TAS2R1: variants seen among roughly 807,000 people sequenced by gnomAD.
The protein encoded by TAS2R1 is taste receptor type 2 member 1.
For missense variants in TAS2R1, 370 were observed against 353.4 expected (o/e 1.05, Z -0.38); for synonymous variants, 141 against 134.2 (o/e 1.05, Z -0.35).
the TAS2R1 span, among the ~76,000 whole-genome samples, chr5:9,760,115 C>G: frequency 3.3e-5 from 5 of 152,078 alleles, no homozygotes; most frequent in African/African-American, 4.8e-5. Context: ...TAAGACAGAC[C>G]AATTCCTTGA....
chr5:9,846,682 T>C, the TAS2R1 span, among the ~76,000 whole-genome samples: 7 of 131,466 alleles, frequency 5.3e-5, no homozygotes, highest in Non-Finnish European at 1.0e-4. Context: ...ACACACACAT[T>C]GCACACACAC....
chr5:9,886,323 C>T, the TAS2R1 span, among the ~76,000 whole-genome samples: 4 of 143,362 alleles, frequency 2.8e-5, no homozygotes, highest in East Asian at 2.1e-4. Context: ...TGAGCCACTG[C>T]GCCCAGCATT....
the TAS2R1 span, among the ~76,000 whole-genome samples, chr5:9,756,829 T>C: frequency 2.6e-5 from 4 of 152,192 alleles, no homozygotes; most frequent in Admixed American, 6.5e-5. Context: ...GAGAAACAAC[T>C]GCATGGTGAT....
chr5:9,801,871 C>T, the TAS2R1 span, among the ~76,000 whole-genome samples: 22 of 152,294 alleles, frequency 1.4e-4, no homozygotes, highest in South Asian at 8.3e-4. Context: ...ACAGCAGCCA[C>T]GGCAAGCCCT....
chr5:9,717,975 A>G, the TAS2R1 span, among the ~76,000 whole-genome samples: 4 of 152,062 alleles, frequency 2.6e-5, no homozygotes, highest in Non-Finnish European at 4.4e-5. Flanking sequence ...TTTATTTTTT[A>G]TTTTAGATGG....
At chr5:9,754,309 T>C in the TAS2R1 span, among the ~76,000 whole-genome samples, 9 of 152,136 alleles carry the variant, frequency 5.9e-5, no homozygotes, top group African/African-American at 2.2e-4. Flanking sequence ...TCATACTGAA[T>C]GGGCAAAAAC....
chr5:9,858,916 A>G, the TAS2R1 span, among the ~76,000 whole-genome samples: 8 of 152,242 alleles, frequency 5.3e-5, no homozygotes, highest in African/African-American at 1.7e-4. Context: ...AAGAATTAGT[A>G]GGTAGCAGAC....
chr5:9,645,606 C>G (rs1252067286), intron 2 of TAS2R1: 1 of 152,116 alleles, frequency 6.6e-6, no homozygotes, highest in African/African-American at 2.4e-5. Flanking sequence ...TCACAGAAAC[C>G]CAGGTGTGGC....
the TAS2R1 span, among the ~76,000 whole-genome samples, chr5:9,846,324 T>G: frequency 1.3e-4 from 20 of 152,150 alleles, no homozygotes; most frequent in Non-Finnish European, 2.5e-4. Context: ...AGAGAAAAGT[T>G]TTTGGAGGGC....
upstream of TAS2R1, among the ~76,000 whole-genome samples, chr5:9,633,265 T>C (rs990491011): frequency 7.7e-6 from 1 of 129,428 alleles, no homozygotes; most frequent in Admixed American, 7.9e-5. Context: ...TAGTATTCCA[T>C]AGTGTGTGTG....
the TAS2R1 span, among the ~76,000 whole-genome samples, chr5:9,836,335 A>G: frequency 2.2e-4 from 33 of 152,258 alleles, no homozygotes; most frequent in African/African-American, 7.7e-4. Context: ...AAATTCTGTC[A>G]TCATCAAATC....
In TAS2R1 at chr5:9,629,222, A is replaced by G; in HGVS notation, c.811T>C (p.Ser271Pro). ...FFILVIGIYPSGHSLILILGN... is the reference protein window; with the variant it reads ...FFILVIGIYPPGHSLILILGN... Reference sequence around the variant, plus strand: ...AAAATTAAGATGAGAGAGTGTCCAGAAGGGTATATACCAATCACAAGGATG... The same window carrying G: ...AAAATTAAGATGAGAGAGTGTCCAGGAGGGTATATACCAATCACAAGGATG... The change falls in exon 1 of 1, where the codon TCT (serine) becomes CCT (proline). Residue 271 changes from serine to proline, a missense_variant. By Grantham distance (74) the Ser-to-Pro change is moderately conservative. Transcript: ENST00000382492. 6.2e-7 allele frequency: 1 copy of G among 1,610,286 alleles called. No homozygotes were observed. The highest frequency in any genetic ancestry group is 8.5e-7 in the Non-Finnish European group (1 of 1,178,876).
Position 9,646,762 on chromosome 5 carries a change from G to A in TAS2R1, c.-81+12659C>T, listed in dbSNP as rs535959490. On this transcript the variant is annotated intron_variant, in intron 2 of 2. Transcript: ENST00000506620. ...GTGCCTTGCTTTGATTTTCCAGAAT[G>A]TGGGACCAGCCTTTGTGGTTACTTA... Among the ~76,000 whole-genome samples, 4 of 152,240 alleles carry A rather than the reference G, an allele frequency of 2.6e-5. No individual in the cohort carries two copies. The South Asian group carries it at 8.3e-4, about 32-fold the overall frequency.
the TAS2R1 span, among the ~76,000 whole-genome samples, chr5:9,832,151 T>C: frequency 6.6e-6 from 1 of 152,346 alleles, no homozygotes; most frequent in South Asian, 2.1e-4. Context: ...TTCAGTAACA[T>C]GTTAAACATA....
chr5:9,685,858 T>C (rs1741113744), intron 1 of TAS2R1, among the ~76,000 whole-genome samples: 1 of 152,160 alleles, frequency 6.6e-6, no homozygotes, highest in African/African-American at 2.4e-5. Context: ...TGATTGTATC[T>C]TTTCGTTTGT....
chr5:9,858,105 C>T, the TAS2R1 span, among the ~76,000 whole-genome samples: 1 of 152,068 alleles, frequency 6.6e-6, no homozygotes, highest in East Asian at 1.9e-4. Context: ...GAGTCTGAAT[C>T]TGTGGGGGCT....
At chr5:9,840,559 T>C in the TAS2R1 span, among the ~76,000 whole-genome samples, 1 of 152,154 alleles carries the variant, frequency 6.6e-6, no homozygotes, top group African/African-American at 2.4e-5. Flanking sequence ...TTCCCTTATG[T>C]TTTTTGAATT....
chr5:9,847,752 A>G, the TAS2R1 span, among the ~76,000 whole-genome samples: 2 of 152,192 alleles, frequency 1.3e-5, no homozygotes, highest in Non-Finnish European at 2.9e-5. Context: ...AGAAGGTTCC[A>G]TTAGCCAAGG....
chr5:9,800,550 CA>C, the TAS2R1 span, among the ~76,000 whole-genome samples: 2 of 152,052 alleles, frequency 1.3e-5, no homozygotes, highest in Admixed American at 6.6e-5. Flanking sequence ...AAGAATTGGC[CA>C]AACTAAGGAG....
Sources: gnomAD v4.1 joint callset for allele counts (sites outside exome capture counted in the v4.1 genomes callset) on GRCh38, gnomAD v4.1.1 for gene constraint, MANE v1.5 for transcripts, NCBI Gene and HGNC (gene_info 2026-07-23, HGNC 2026-07-21) for gene names.